Variants in SLC35F1 observed in about 807,000 individuals in gnomAD.
SLC35F1 encodes chromosome 6 open reading frame 169.
A neutral mutation model predicts 48.7 loss-of-function variants in SLC35F1; 14 were observed. The observed-to-expected ratio is 0.29, with a 90% confidence interval of 0.19 to 0.45. The LOEUF (loss-of-function observed/expected upper bound fraction) is 0.45. Among genes scored for constraint, SLC35F1 ranks in the 20% least tolerant of loss-of-function variants. The probability of loss-of-function intolerance (pLI) is 1.00; values close to 1 mark genes in which losing one functional copy is unlikely to be tolerated. For missense variants in SLC35F1, 404 were observed against 500.0 expected, an observed-to-expected ratio of 0.81 and a Z score of 1.83; for synonymous variants, 190 against 202.2, an observed-to-expected ratio of 0.94 and a Z score of 0.51.
intron 1 of SLC35F1, among the ~76,000 whole-genome samples, chr6:118,122,677 C>G (rs780929478): frequency 6.6e-6 from 1 of 152,224 alleles, no homozygotes; most frequent in Non-Finnish European, 1.5e-5. Context: ...TACCTCAACT[C>G]TGCCCTTCAT....
chr6:118,235,772 AT>A, intron 3 of SLC35F1, 136 bp downstream of exon 3: 1 of 746,396 alleles, frequency 1.3e-6, no homozygotes, highest in East Asian at 3.1e-5. Context: ...CAGTATACAG[AT>A]TCTGTATACT....
intron 2 of SLC35F1, among the ~76,000 whole-genome samples, chr6:118,214,341 T>C (rs1434975171): frequency 6.6e-6 from 1 of 152,214 alleles, no homozygotes; most frequent in Admixed American, 6.5e-5. Context: ...TGAAATTACA[T>C]GTAGGTGGGT....
At chr6:118,076,881 C>T (rs1246653833) in intron 1 of SLC35F1, among the ~76,000 whole-genome samples, 1 of 151,926 alleles carries the variant, frequency 6.6e-6, no homozygotes, top group Non-Finnish European at 1.5e-5. Flanking sequence ...GACGCTTTAC[C>T]ATATTTATTT....
rs1198658886 is a variant in SLC35F1 at position 118,015,971 on chromosome 6, A to G, written c.173+108072A>G. ...TTATTTGCTAAATAAATTGGTATGTATCCTCTTGGAAGATCATTTATAAAA... is the reference window on the plus strand; with the variant it reads ...TTATTTGCTAAATAAATTGGTATGTGTCCTCTTGGAAGATCATTTATAAAA... On this transcript the variant is annotated intron_variant, in intron 1 of 7. Coordinates refer to ENST00000360388, the MANE Select transcript of SLC35F1 (RefSeq NM_001029858.4). Among the ~76,000 whole-genome samples the G allele has an allele frequency of 2.0e-5, 3 of 152,228 alleles. No homozygotes were observed. The South Asian group carries it at 6.2e-4, about 32-fold the overall frequency.
Position 117,942,730 on chromosome 6 carries a change from A to G in SLC35F1, c.173+34831A>G, listed in dbSNP as rs141427625. 6.3e-3 allele frequency among the ~76,000 whole-genome samples: 965 copies of G among 152,330 alleles called. 9 individuals are homozygous for G. The highest frequency in any genetic ancestry group is 0.022 in the African/African-American group (914 of 41,584). On this transcript the variant is annotated intron_variant, in intron 1 of 7. Coordinates refer to ENST00000360388, the MANE Select transcript of SLC35F1 (RefSeq NM_001029858.4). ...TTTACGAGGAAGATTTAATTCTTCTATCAGTGGTTAGCCACTGCCAATTTT... is the reference window on the plus strand; with the variant it reads ...TTTACGAGGAAGATTTAATTCTTCTGTCAGTGGTTAGCCACTGCCAATTTT...
At chr6:118,224,018 G>A (rs535487759) in intron 2 of SLC35F1, among the ~76,000 whole-genome samples, 1 of 152,276 alleles carries the variant, frequency 6.6e-6, no homozygotes, top group South Asian at 2.1e-4. Context: ...CCAATTACAG[G>A]AAACTTCCAA....
chr6:117,908,784 T>C (rs1582555567), intron 1 of SLC35F1, among the ~76,000 whole-genome samples: 1 of 152,198 alleles, frequency 6.6e-6, no homozygotes, highest in South Asian at 2.1e-4. Flanking sequence ...AAAAATTGTA[T>C]AGGGAATGGG....
intron 2 of SLC35F1, among the ~76,000 whole-genome samples, chr6:118,157,690 G>A (rs566920484): frequency 6.6e-6 from 1 of 152,224 alleles, no homozygotes; most frequent in African/African-American, 2.4e-5. Context: ...ATCCAGCATG[G>A]GAGAAAGATA....
intron 3 of SLC35F1, among the ~76,000 whole-genome samples, chr6:118,254,969 A>G (rs764815673): frequency 8.5e-5 from 13 of 152,302 alleles, no homozygotes; most frequent in Non-Finnish European, 1.6e-4. Flanking sequence ...TATTTAATGT[A>G]AAAAATGCAG....
At position 118,267,821 on chromosome 6, in the gene SLC35F1, T is replaced by G. The variant is rs148247700; in HGVS notation, c.637+667T>G. 6.9e-4 allele frequency among the ~76,000 whole-genome samples: 105 copies of G among 152,304 alleles called. 1 individual carries two copies. The East Asian group carries it at 0.02, about 29-fold the overall frequency. ...GATTCACTCATCAAATTGCTGTGAA[T>G]CTGCTGGGGGAGCCCTGAGTCAGGG... On this transcript the variant is annotated intron_variant, in intron 4 of 7. Coordinates refer to ENST00000360388, the MANE Select transcript of SLC35F1 (RefSeq NM_001029858.4).
intron 3 of SLC35F1, among the ~76,000 whole-genome samples, chr6:118,257,649 T>C (rs1775663393): frequency 6.6e-6 from 1 of 152,154 alleles, no homozygotes; most frequent in Non-Finnish European, 1.5e-5. Flanking sequence ...AACTAGGTGA[T>C]TGGGACCACA....
At chr6:118,272,737 G>GTGTGTATATATATATATATATATATA (rs201515909) in intron 4 of SLC35F1, among the ~76,000 whole-genome samples, 5 of 120,246 alleles carry the variant, frequency 4.2e-5, no homozygotes, top group African/African-American at 1.6e-4. Context: ...ATATGTGTGT[G>GTGTGTATATATATATATATATATATA]TATATATATA....
intron 6 of SLC35F1, among the ~76,000 whole-genome samples, chr6:118,281,953 A>G (rs1775989840): frequency 6.6e-6 from 1 of 152,214 alleles, no homozygotes; most frequent in African/African-American, 2.4e-5. Flanking sequence ...CTCAATCCAT[A>G]TTAGCTGATA....
intron 1 of SLC35F1, among the ~76,000 whole-genome samples, chr6:118,081,267 G>GA (rs945436390): frequency 2.6e-4 from 39 of 152,130 alleles, no homozygotes; most frequent in African/African-American, 8.4e-4. Flanking sequence ...AATGCTCACA[G>GA]AAAAAAGACC....
chr6:118,260,504 G>C (rs1775698836), intron 3 of SLC35F1, among the ~76,000 whole-genome samples: 1 of 151,798 alleles, frequency 6.6e-6, no homozygotes, highest in South Asian at 2.1e-4. Context: ...TCCTAAACTG[G>C]GAGTCCCTGG....
chr6:118,037,221 TC>T, intron 1 of SLC35F1, among the ~76,000 whole-genome samples: 1 of 152,230 alleles, frequency 6.6e-6, no homozygotes, highest in Non-Finnish European at 1.5e-5. Flanking sequence ...TTTATTTAAA[TC>T]TTTTTATTTA....
chr6:118,235,426 T>A, intron 2 of SLC35F1, 83 bp from the exon 3 acceptor site: 1 of 1,273,028 alleles, frequency 7.9e-7, no homozygotes, highest in African/African-American at 1.5e-5. Context: ...TATATAATGT[T>A]GCAACATATT....
intron 1 of SLC35F1, among the ~76,000 whole-genome samples, chr6:118,032,621 A>G (rs1213000798): frequency 6.6e-6 from 1 of 152,320 alleles, no homozygotes; most frequent in East Asian, 1.9e-4. Context: ...TTCCAACTTG[A>G]TTTAACTGTT....
intron 3 of SLC35F1, among the ~76,000 whole-genome samples, chr6:118,239,235 G>A (rs1347585360): frequency 6.8e-6 from 1 of 148,094 alleles, no homozygotes; most frequent in Non-Finnish European, 1.5e-5. Flanking sequence ...GGAAACCCCA[G>A]CACATACTAG....
Sources: gnomAD v4.1 joint callset for allele counts (sites outside exome capture counted in the v4.1 genomes callset) on GRCh38, gnomAD v4.1.1 for gene constraint, MANE v1.5 for transcripts, NCBI Gene and HGNC (gene_info 2026-07-23, HGNC 2026-07-21) for gene names.